GDNF: variants seen among roughly 807,000 people sequenced by gnomAD.
GDNF encodes glial cell derived neurotrophic factor, also known as glial cell line-derived neurotrophic factor.
Under a neutral mutation model 13.7 loss-of-function variants are expected in GDNF, and 5 were observed. The ratio of observed to expected loss-of-function variants is 0.36; its 90% CI spans 0.19 to 0.77. The LOEUF is 0.77. GDNF is among the 30% of genes least tolerant of loss of function. The pLI is 0.51. For synonymous variants in GDNF, 122 were observed against 112.5 expected (o/e 1.08, Z -0.53); for missense variants, 246 against 274.3 (o/e 0.90, Z 0.73).
At position 37,814,463 on chromosome 5, in the gene GDNF, T is replaced by A. The variant is rs568465395; in HGVS notation, c.*1188A>T. 1 of 152,222 alleles carries A rather than the reference T, an allele frequency of 6.6e-6. No homozygotes were observed. The highest frequency in any genetic ancestry group is 2.4e-5 in the African/African-American group (1 of 41,510). 9.4% of individuals were successfully genotyped at this position (152,222 alleles called of 1,614,324 possible). Reference sequence around the variant, plus strand: ...GAAAAATGCTGAAATCTGGGGAAAATTAATGACAAATTTTCTTAAAAAGGT... The same window carrying A: ...GAAAAATGCTGAAATCTGGGGAAAAATAATGACAAATTTTCTTAAAAAGGT... On this transcript the variant is annotated 3_prime_UTR_variant, in exon 3 of 3. Transcript: ENST00000326524.
At chr5:37,834,936 G>C in intron 1 of GDNF, 114 bp from the exon 2 acceptor site, 1 of 949,700 alleles carries the variant, frequency 1.1e-6, no homozygotes, top group South Asian at 1.6e-5. Flanking sequence ...CTCCGGCACC[G>C]CTGCAGGCCA....
intron 2 of GDNF, among the ~76,000 whole-genome samples, chr5:37,826,867 C>T (rs1402043108): frequency 6.6e-6 from 1 of 152,186 alleles, no homozygotes; most frequent in Non-Finnish European, 1.5e-5. Context: ...CCTATCTAGC[C>T]ATTCTATTGT....
rs1749792846 is a variant in GDNF, at chr5:37,813,297, C to G, written c.*2354G>C. On this transcript the variant is annotated 3_prime_UTR_variant, in exon 3 of 3. Coordinates refer to ENST00000326524, the MANE Select transcript of GDNF (RefSeq NM_000514.4). ...GGGAAGGGGATCAGATGTCTGGTAA[C>G]TGCTGCTTCTTGTTACTATGATTAT... is the stretch of plus-strand genomic sequence containing the variant. 1 of 152,200 alleles carries G rather than the reference C, an allele frequency of 6.6e-6. No individual in the cohort carries two copies. The highest frequency in any genetic ancestry group is 1.5e-5 in the Non-Finnish European group (1 of 68,056). 9.4% of individuals were successfully genotyped at this position (152,200 alleles called of 1,614,324 possible).
At chr5:37,820,774 T>A (rs987391878) in intron 2 of GDNF, among the ~76,000 whole-genome samples, 2 of 152,152 alleles carry the variant, frequency 1.3e-5, no homozygotes, top group South Asian at 2.1e-4. Flanking sequence ...TATTATTATT[T>A]TTTAAAGTCT....
In GDNF at chr5:37,815,095, T is replaced by C. The variant is rs1338967728; in HGVS notation, c.*556A>G. 1 of 155,942 alleles carries C rather than the reference T, an allele frequency of 6.4e-6. No homozygotes were observed. 9.7% of individuals were successfully genotyped at this position (155,942 alleles called of 1,614,324 possible). ...CAACTTTCAAATGCAAAGGTGATTA[T>C]CTCTTGTATCTTTGCTTTTTTTTTC... On this transcript the variant is annotated 3_prime_UTR_variant, in exon 3 of 3. Transcript: ENST00000326524. The surrounding 1 kb of genome is among the most constrained non-coding windows in gnomAD (Gnocchi z 5.0).
At chr5:37,820,541 T>G (rs1468519820) in intron 2 of GDNF, among the ~76,000 whole-genome samples, 1 of 152,186 alleles carries the variant, frequency 6.6e-6, no homozygotes, top group South Asian at 2.1e-4. Context: ...ACCCATGGGA[T>G]GTATAGCACC....
At chr5:37,834,162 C>T (rs188578759) in intron 2 of GDNF, among the ~76,000 whole-genome samples, 18 of 152,370 alleles carry the variant, frequency 1.2e-4, no homozygotes, top group African/African-American at 3.8e-4. Context: ...GTTTTCTCTG[C>T]CTCTGGCTTG....
Position 37,815,425 on chromosome 5 carries a change from C to G in GDNF, c.*226G>C. On this transcript the variant is annotated 3_prime_UTR_variant, in exon 3 of 3. Transcript: ENST00000326524. This position sits in a 1 kb window ranked among gnomAD's most constrained non-coding sequence, Gnocchi z 5.0. ...TGGAGAATCCAGAGGGCTGTTTTCT[C>G]TCTCTCCTGTCCAGTTGTCTGTAGC... 1.7e-6 allele frequency: 1 copy of G among 590,940 alleles called. No homozygotes were observed. The highest frequency in any genetic ancestry group is 2.0e-5 in the South Asian group (1 of 50,796). 36.6% of individuals were successfully genotyped at this position (590,940 alleles called of 1,614,324 possible). A position where few individuals can be genotyped will look rare whatever the true frequency, so the allele number is the denominator to read the frequency against.
rs574832770 is a variant in GDNF at position 37,837,136 on chromosome 5, C to G, written c.-26-2314G>C. On this transcript the variant is annotated intron_variant, in intron 1 of 2. Transcript: ENST00000326524. The surrounding 1 kb of genome is among the most constrained non-coding windows in gnomAD (Gnocchi z 6.5). ...AGGGGGGAGGTTGGGGGACTCGGCA[C>G]ACACAGCGTCTACTAGGACGTTTTT... Among the ~76,000 whole-genome samples the G allele has an allele frequency of 8.1e-4, 124 of 152,318 alleles. No homozygotes were observed. Among genetic ancestry groups the G allele is most frequent in the Non-Finnish European group, 1.5e-3 (105 of 68,016 alleles).
intron 2 of GDNF, among the ~76,000 whole-genome samples, chr5:37,822,779 GAC>G (rs1316700241): frequency 6.6e-6 from 1 of 151,976 alleles, no homozygotes; most frequent in Non-Finnish European, 1.5e-5. Flanking sequence ...TACACACAGA[GAC>G]ACACATATAC....
At position 37,815,494 on chromosome 5, in the gene GDNF, TCC is replaced by T. The variant is rs1749879108; in HGVS notation, c.*155_*156del. 1.5e-6 allele frequency: 1 copy of T among 668,928 alleles called. No individual in the cohort carries two copies. Among genetic ancestry groups the T allele is most frequent in the East Asian group, 2.7e-5 (1 of 36,936 alleles). 41.4% of individuals were successfully genotyped at this position (668,928 alleles called of 1,614,324 possible). On this transcript the variant is annotated 3_prime_UTR_variant, in exon 3 of 3. Transcript: ENST00000326524. This position sits in a 1 kb window ranked among gnomAD's most constrained non-coding sequence, Gnocchi z 5.0. ...GCTCCCATGATGGCTGCCTTCCTCC[TCC>T]TCCTCCTCCTCCTCCTCCTCCTCCT...
intron 2 of GDNF, among the ~76,000 whole-genome samples, chr5:37,832,118 A>G (rs1055211299): frequency 6.6e-6 from 1 of 152,254 alleles, no homozygotes; most frequent in Admixed American, 6.5e-5. Context: ...CAAACTGTGT[A>G]TATTCTGGTC....
In GDNF at chr5:37,814,160, C is replaced by A. The variant is rs867689217; in HGVS notation, c.*1491G>T. 6.6e-6 allele frequency: 1 copy of A among 152,626 alleles called. No individual in the cohort carries two copies. The highest frequency in any genetic ancestry group is 1.5e-5 in the Non-Finnish European group (1 of 68,070). The allele number at this position is 152,626 out of a possible 1,614,324, so 9.5% of individuals were successfully genotyped here. On this transcript the variant is annotated 3_prime_UTR_variant, in exon 3 of 3. Coordinates refer to ENST00000326524, the MANE Select transcript of GDNF (RefSeq NM_000514.4). ...GCAGGGATGGAGGGAGTCGGTAGAA[C>A]GGCAGCTACCTGACAGCATTGTCGA...
intron 2 of GDNF, among the ~76,000 whole-genome samples, chr5:37,833,568 A>G (rs956033615): frequency 1.3e-5 from 2 of 152,072 alleles, no homozygotes; most frequent in African/African-American, 2.4e-5. Context: ...AGCCAAGGCC[A>G]TTGGGTTTGG....
Position 37,839,671 on chromosome 5 carries a change from C to T in GDNF, c.-191G>A, listed in dbSNP as rs886952409. Reference sequence around the variant, plus strand: ...GGTCGCGCGGGGCAGCAAGGGCGCGCTGGAGGCGGCGGCCAAGACTCCCGC... The same window carrying T: ...GGTCGCGCGGGGCAGCAAGGGCGCGTTGGAGGCGGCGGCCAAGACTCCCGC... On this transcript the variant is annotated 5_prime_UTR_variant, in exon 1 of 3. Coordinates refer to ENST00000326524, the MANE Select transcript of GDNF (RefSeq NM_000514.4). This position sits in a 1 kb window ranked among gnomAD's most constrained non-coding sequence, Gnocchi z 5.5. 1.3e-5 allele frequency: 2 copies of T among 152,210 alleles called. No individual in the cohort carries two copies. The highest frequency in any genetic ancestry group is 2.9e-5 in the Non-Finnish European group (2 of 68,066). 9.4% of individuals were successfully genotyped at this position (152,210 alleles called of 1,614,324 possible). A position where few individuals can be genotyped will look rare whatever the true frequency, so the allele number is the denominator to read the frequency against.
intron 2 of GDNF, among the ~76,000 whole-genome samples, chr5:37,831,411 T>C (rs1485903346): frequency 6.6e-6 from 1 of 152,244 alleles, no homozygotes; most frequent in Non-Finnish European, 1.5e-5. Flanking sequence ...TGCATTTAGA[T>C]GCAAATTTTT....
At position 37,812,843 on chromosome 5, in the gene GDNF, A is replaced by G. The variant is rs1482074339; in HGVS notation, c.*2808T>C. On this transcript the variant is annotated 3_prime_UTR_variant, in exon 3 of 3. Transcript: ENST00000326524. ...ACGGTATCAGATGGTGATCGCAATG[A>G]TAAAGAAAAATCACAAACTTTACCC... The G allele has an allele frequency of 6.6e-6, 1 of 152,242 alleles. No individual in the cohort carries two copies. The highest frequency in any genetic ancestry group is 1.5e-5 in the Non-Finnish European group (1 of 68,048). 9.4% of individuals were successfully genotyped at this position (152,242 alleles called of 1,614,324 possible). A position where few individuals can be genotyped will look rare whatever the true frequency, so the allele number is the denominator to read the frequency against.
intron 2 of GDNF, among the ~76,000 whole-genome samples, chr5:37,831,921 A>C (rs1219285270): frequency 6.6e-6 from 1 of 152,270 alleles, no homozygotes; most frequent in African/African-American, 2.4e-5. Context: ...GAGTTTAGAC[A>C]GGCTAGAAGT....
Position 37,838,102 on chromosome 5 carries a change from C to T in GDNF, c.-27+1405G>A, listed in dbSNP as rs1235629124. Among the ~76,000 whole-genome samples, 2 of 145,598 alleles carry T rather than the reference C, an allele frequency of 1.4e-5. No homozygotes were observed. The highest frequency in any genetic ancestry group is 4.4e-4 in the South Asian group (2 of 4,500). ...GTCCTTGACTGACAGAGGACTTATT[C>T]TCCCCTCAACCCCCCATAACTGCGG... On this transcript the variant is annotated intron_variant, in intron 1 of 2. Transcript: ENST00000326524. This position sits in a 1 kb window ranked among gnomAD's most constrained non-coding sequence, Gnocchi z 4.1.
Sources: allele counts gnomAD v4.1 joint callset (sites outside exome capture counted in the v4.1 genomes callset), GRCh38; gene constraint gnomAD v4.1.1; non-coding constraint Gnocchi (gnomAD v3.1); transcripts MANE v1.5; gene names NCBI Gene and HGNC (gene_info 2026-07-23, HGNC 2026-07-21).